The following USP34 variants were observed in gnomAD, a reference collection of about 807,000 sequenced individuals.
USP34 encodes ubiquitin carboxyl-terminal hydrolase 34.
A neutral mutation model predicts 460.3 loss-of-function variants in USP34; 70 were observed. The observed-to-expected ratio is 0.15, with a 90% CI of 0.13 to 0.19. The LOEUF (loss-of-function observed/expected upper bound fraction) is 0.19. Among genes scored for constraint, USP34 ranks in the 10% least tolerant of loss-of-function variants. USP34 has a pLI of 1.00. For missense variants in USP34, 3,985 were observed against 4,236.2 expected, an observed-to-expected ratio of 0.94 and a Z score of 1.65; for synonymous variants, 1,647 against 1,405.3, an observed-to-expected ratio of 1.17 and a Z score of -3.85.
intron 1 of USP34, among the ~76,000 whole-genome samples, chr2:61,466,458 T>C (rs1695765024): frequency 1.3e-5 from 2 of 152,042 alleles, no homozygotes; most frequent in African/African-American, 2.4e-5. Context: ...CAGTTTCAAA[T>C]AGCTAGGAGG....
intron 10 of USP34, among the ~76,000 whole-genome samples, chr2:61,369,686 T>G (rs1692552670): frequency 7.3e-6 from 1 of 136,930 alleles, no homozygotes; most frequent in African/African-American, 2.7e-5. Flanking sequence ...AAAAAATAAT[T>G]AAACACTATA....
rs1689034862 is a variant in USP34 at position 61,266,014 on chromosome 2, G to A, written c.5587C>T (p.His1863Tyr). ...KGSVENYRLI[H>Y]NWVMAQHMQS... ...ATGTGTTGTGCCATAACCCAGTTGTGTATTAGCCTGTAGTTCTCAACAGAC... is the reference window on the plus strand; with the variant it reads ...ATGTGTTGTGCCATAACCCAGTTGTATATTAGCCTGTAGTTCTCAACAGAC... Residue 1863 changes from histidine (H) to tyrosine (Y), a missense_variant, in exon 42 of 80, where the codon CAC (histidine) becomes TAC (tyrosine). His to Tyr is a moderately conservative substitution (Grantham distance 83). Transcript: ENST00000398571. 6.2e-7 allele frequency: 1 copy of A among 1,612,780 alleles called. No individual in the cohort carries two copies. The highest frequency in any genetic ancestry group is 8.5e-7 in the Non-Finnish European group (1 of 1,179,006).
At chr2:61,260,730 A>G (rs866339390) in intron 43 of USP34, among the ~76,000 whole-genome samples, 4 of 152,342 alleles carry the variant, frequency 2.6e-5, no homozygotes, top group Non-Finnish European at 2.9e-5. Flanking sequence ...TTAATATTCC[A>G]TATTACGAAA....
chr2:61,378,291 A>C (rs947696489), intron 8 of USP34, 72 bp downstream of exon 8: 1 of 1,169,794 alleles, frequency 8.5e-7, no homozygotes, highest in Non-Finnish European at 1.2e-6. Context: ...AAATCTAAAA[A>C]TTAGAATTTA....
chr2:61,278,290 A>G lies in USP34; in HGVS notation c.5313-5T>C, dbSNP rs1689433111. 6.2e-7 allele frequency: 1 copy of G among 1,612,016 alleles called. No individual in the cohort carries two copies. The highest frequency in any genetic ancestry group is 1.3e-5 in the African/African-American group (1 of 74,760). ...TGATGATCAAGGATCTCCCTACTAC[A>G]AAAAAGAAAAAAAATACACACAAGC... is the stretch of plus-strand genomic sequence containing the variant. On this transcript the variant is annotated splice_region_variant and splice_polypyrimidine_tract_variant and intron_variant, in intron 40 of 79. Coordinates refer to ENST00000398571, the MANE Select transcript of USP34 (RefSeq NM_014709.4).
At chr2:61,448,650 T>C (rs184502231) in intron 1 of USP34, among the ~76,000 whole-genome samples, 2 of 152,256 alleles carry the variant, frequency 1.3e-5, no homozygotes, top group Admixed American at 6.5e-5. Flanking sequence ...CATCCATAGA[T>C]GACATACATA....
At chr2:61,424,315 A>C (rs1484395418) in intron 1 of USP34, among the ~76,000 whole-genome samples, 1 of 152,222 alleles carries the variant, frequency 6.6e-6, no homozygotes, top group Non-Finnish European at 1.5e-5. Flanking sequence ...AAACATATTT[A>C]AGTATAGAAA....
intron 1 of USP34, among the ~76,000 whole-genome samples, chr2:61,462,006 G>A (rs961487141): frequency 2.0e-5 from 3 of 152,240 alleles, no homozygotes; most frequent in Middle Eastern, 3.4e-3. Flanking sequence ...TTAGGGGGCC[G>A]AGGTGGGCAG....
chr2:61,390,913 G>C (rs922948586), intron 5 of USP34, among the ~76,000 whole-genome samples: 1 of 151,794 alleles, frequency 6.6e-6, no homozygotes, highest in African/African-American at 2.4e-5. Context: ...TGGCCAACAT[G>C]GTGAAACCCC....
At chr2:61,439,313 C>G (rs1246551737) in intron 1 of USP34, among the ~76,000 whole-genome samples, 3 of 152,054 alleles carry the variant, frequency 2.0e-5, no homozygotes, top group Non-Finnish European at 4.4e-5. Flanking sequence ...AGCCACTTGA[C>G]CCTCATGCCC....
intron 27 of USP34, among the ~76,000 whole-genome samples, chr2:61,310,686 T>C (rs998999623): frequency 6.6e-6 from 1 of 150,840 alleles, no homozygotes; most frequent in Non-Finnish European, 1.5e-5. Context: ...CATATACATA[T>C]ATATATATTA....
intron 2 of USP34, among the ~76,000 whole-genome samples, chr2:61,415,863 CTTAT>C (rs1199143952): frequency 6.6e-6 from 1 of 152,172 alleles, no homozygotes; most frequent in African/African-American, 2.4e-5. Flanking sequence ...ATAAAATGCA[CTTAT>C]GTTTTTAAAA....
chr2:61,288,953 A>T (rs1689770295), intron 33 of USP34, 76 bp from the exon 34 acceptor site: 1 of 1,453,566 alleles, frequency 6.9e-7, no homozygotes, highest in Non-Finnish European at 9.4e-7. Context: ...TGAAATTAAA[A>T]GACCAGAAAA....
intron 16 of USP34, among the ~76,000 whole-genome samples, chr2:61,342,846 A>G (rs944252411): frequency 6.6e-5 from 10 of 152,254 alleles, no homozygotes; most frequent in Admixed American, 5.9e-4. Flanking sequence ...AAAAATAGGT[A>G]AAATATTGAT....
At chr2:61,190,466 C>G (rs1292674423) in intron 77 of USP34, 52 bp from the exon 78 acceptor site, 2 of 1,602,678 alleles carry the variant, frequency 1.2e-6, no homozygotes, top group Non-Finnish European at 1.7e-6. Flanking sequence ...AATGAAACCA[C>G]AAGCATTAAC....
At chr2:61,393,158 A>G (rs879819072) in intron 5 of USP34, among the ~76,000 whole-genome samples, 6 of 152,226 alleles carry the variant, frequency 3.9e-5, no homozygotes, top group Non-Finnish European at 5.9e-5. Context: ...AGATCACGCA[A>G]AGTGGCTCAC....
intron 2 of USP34, 40 bp downstream of exon 2, chr2:61,420,706 C>T (rs1014201248): frequency 6.0e-6 from 9 of 1,502,786 alleles, no homozygotes; most frequent in Non-Finnish European, 8.1e-6. Flanking sequence ...TATAACACAA[C>T]TCACAAAAAT....
At chr2:61,443,426 C>G (rs1430074087) in intron 1 of USP34, among the ~76,000 whole-genome samples, 1 of 151,274 alleles carries the variant, frequency 6.6e-6, no homozygotes, top group Non-Finnish European at 1.5e-5. Context: ...ATCCCATAAA[C>G]ACGTACAATT....
chr2:61,287,705 T>C (rs908276456), intron 34 of USP34, among the ~76,000 whole-genome samples: 1 of 152,254 alleles, frequency 6.6e-6, no homozygotes, highest in African/African-American at 2.4e-5. Context: ...GAATACAGTA[T>C]ATAATAGTAT....
Sources: gnomAD v4.1 joint callset for allele counts (sites outside exome capture counted in the v4.1 genomes callset) on GRCh38, gnomAD v4.1.1 for gene constraint, MANE v1.5 for transcripts, NCBI Gene and HGNC (gene_info 2026-07-23, HGNC 2026-07-21) for gene names.